The following UNC13C variants were observed in gnomAD, a reference collection of about 807,000 sequenced individuals.
UNC13C encodes unc-13 homolog C, also known as protein unc-13 homolog C.
Under a neutral mutation model 245.4 loss-of-function variants are expected in UNC13C, and 174 were observed. That is an observed-to-expected ratio of 0.71 (90% CI 0.63 to 0.80). UNC13C has a LOEUF of 0.80. UNC13C is among the 30% of genes least tolerant of loss of function. UNC13C has a pLI of 0.00. For missense variants in UNC13C, 2,829 were observed against 2,602.9 expected, an observed-to-expected ratio of 1.09 and a Z score of -1.89; for synonymous variants, 992 against 895.1, an observed-to-expected ratio of 1.11 and a Z score of -1.93.
At chr15:53,866,493 C>T in the UNC13C span, among the ~76,000 whole-genome samples, 2,663 of 152,108 alleles carry the variant, frequency 0.018, 36 homozygotes, top group East Asian at 0.033. Flanking sequence ...ACATTTATAC[C>T]AATGCGTTTT....
chr15:54,465,056 C>G (rs1028870257), intron 19 of UNC13C, among the ~76,000 whole-genome samples: 1 of 151,916 alleles, frequency 6.6e-6, no homozygotes, highest in African/African-American at 2.4e-5. Context: ...CATTCAGTAT[C>G]ATATAATTTC....
At chr15:53,848,649 G>A in the UNC13C span, among the ~76,000 whole-genome samples, 3 of 152,140 alleles carry the variant, frequency 2.0e-5, no homozygotes, top group African/African-American at 7.2e-5. Flanking sequence ...GATTCTTGGC[G>A]TTTTTTAGGT....
At chr15:54,210,576 A>G (rs2034849294) in intron 4 of UNC13C, among the ~76,000 whole-genome samples, 1 of 152,096 alleles carries the variant, frequency 6.6e-6, no homozygotes, top group Admixed American at 6.6e-5. Flanking sequence ...GCGTCATCAC[A>G]TGTCTCTTTA....
At chr15:54,589,564 T>C (rs1444084080) in intron 30 of UNC13C, among the ~76,000 whole-genome samples, 1 of 152,186 alleles carries the variant, frequency 6.6e-6, no homozygotes, top group East Asian at 1.9e-4. Flanking sequence ...CCCAAAGTGC[T>C]GGGATTACAG....
chr15:54,132,632 A>G (rs1469251509), intron 2 of UNC13C, among the ~76,000 whole-genome samples: 13 of 152,234 alleles, frequency 8.5e-5, no homozygotes, highest in Admixed American at 6.5e-5. Flanking sequence ...GGTACTCTGT[A>G]AAGGCTAATG....
At chr15:54,177,155 T>C (rs567267198) in intron 4 of UNC13C, among the ~76,000 whole-genome samples, 1 of 152,256 alleles carries the variant, frequency 6.6e-6, no homozygotes, top group African/African-American at 2.4e-5. Context: ...CATATAATTT[T>C]AGGACTATAC....
intron 30 of UNC13C, among the ~76,000 whole-genome samples, chr15:54,590,775 G>A (rs1350056186): frequency 6.6e-6 from 1 of 152,084 alleles, no homozygotes; most frequent in African/African-American, 2.4e-5. Context: ...CTATTTAGAT[G>A]TCCTTTATTT....
chr15:53,918,353 CAG>C, the UNC13C span, among the ~76,000 whole-genome samples: 3 of 151,398 alleles, frequency 2.0e-5, no homozygotes, highest in Non-Finnish European at 4.4e-5. Flanking sequence ...ATTTCCTACT[CAG>C]ATTTTTTTTT....
chr15:54,182,121 T>C (rs1305698574), intron 4 of UNC13C, among the ~76,000 whole-genome samples: 2 of 151,946 alleles, frequency 1.3e-5, no homozygotes, highest in Non-Finnish European at 2.9e-5. Flanking sequence ...TAGTTGTCAA[T>C]GGGAATGCTT....
the UNC13C span, among the ~76,000 whole-genome samples, chr15:53,958,660 T>A: frequency 1.3e-5 from 2 of 152,300 alleles, no homozygotes; most frequent in Non-Finnish European, 2.9e-5. Flanking sequence ...ATTTGTTTTT[T>A]AAAAGTATTT....
At chr15:54,192,162 A>G (rs760658765) in intron 4 of UNC13C, among the ~76,000 whole-genome samples, 5 of 152,086 alleles carry the variant, frequency 3.3e-5, no homozygotes, top group Admixed American at 6.6e-5. Flanking sequence ...TTTATTCCTG[A>G]ATTAGTTTTT....
At chr15:54,519,754 C>T (rs1895137708) in intron 24 of UNC13C, among the ~76,000 whole-genome samples, 1 of 152,064 alleles carries the variant, frequency 6.6e-6, no homozygotes, top group Non-Finnish European at 1.5e-5. Flanking sequence ...GTAGAGAGGA[C>T]CGTGTATTCT....
chr15:54,425,685 G>A (rs2040745084), intron 19 of UNC13C, among the ~76,000 whole-genome samples: 1 of 151,848 alleles, frequency 6.6e-6, no homozygotes, highest in Non-Finnish European at 1.5e-5. Flanking sequence ...TTTGGTGGTA[G>A]CTAAGGTTCA....
intron 32 of UNC13C, among the ~76,000 whole-genome samples, 187 bp downstream of exon 32, chr15:54,624,141 ATATATCATAGGAGGTGTC>A (rs1192834944): frequency 6.6e-6 from 1 of 152,178 alleles, no homozygotes; most frequent in African/African-American, 2.4e-5. Flanking sequence ...CATTAGGTGT[ATATATCATAGGAGGTGTC>A]TGAATCAATC....
the UNC13C span, among the ~76,000 whole-genome samples, chr15:53,964,647 A>G: frequency 6.6e-6 from 1 of 152,310 alleles, no homozygotes; most frequent in South Asian, 2.1e-4. Context: ...CATCTAAATA[A>G]AACAGGCCTT....
In UNC13C at chr15:54,147,789, C is replaced by CATGTGTGTGTGT. The variant is rs71132783; in HGVS notation, c.3071+4105_3071+4106insATGTGTGTGTGT. Among the ~76,000 whole-genome samples, 4 of 147,476 alleles carry CATGTGTGTGTGT rather than the reference C, an allele frequency of 2.7e-5. 1 individual carries two copies. Among genetic ancestry groups the CATGTGTGTGTGT allele is most frequent in the South Asian group, 4.4e-4 (2 of 4,576 alleles). On this transcript the variant is annotated intron_variant, in intron 4 of 32. Transcript: ENST00000260323. ...TATAAGAAGCATTGCAAGGTGTGTG[C>CATGTGTGTGTGT]GTGTGTGTGTGTGTGTGTGTGTATG... is the stretch of plus-strand genomic sequence containing the variant.
intron 2 of UNC13C, among the ~76,000 whole-genome samples, chr15:54,031,286 C>T (rs778667459): frequency 6.6e-5 from 10 of 152,188 alleles, no homozygotes; most frequent in Non-Finnish European, 1.0e-4. Flanking sequence ...TGCAGTGGCA[C>T]GATCTCAGCT....
intron 4 of UNC13C, among the ~76,000 whole-genome samples, chr15:54,231,571 T>C (rs1387315082): frequency 6.6e-6 from 1 of 151,998 alleles, no homozygotes; most frequent in Non-Finnish European, 1.5e-5. Flanking sequence ...AAAAATAAAA[T>C]GAGTTAACAT....
the UNC13C span, among the ~76,000 whole-genome samples, chr15:53,884,292 C>T: frequency 2.0e-5 from 3 of 152,178 alleles, no homozygotes; most frequent in African/African-American, 7.2e-5. Flanking sequence ...AGGCAATTTT[C>T]TCAGTAATTT....
Sources: gnomAD v4.1 joint callset for allele counts (sites outside exome capture counted in the v4.1 genomes callset) on GRCh38, gnomAD v4.1.1 for gene constraint, MANE v1.5 for transcripts, NCBI Gene and HGNC (gene_info 2026-07-23, HGNC 2026-07-21) for gene names.